The following NTRK2 variants were observed in gnomAD, a reference collection of about 807,000 sequenced individuals.
NTRK2 encodes the protein neurotrophic receptor tyrosine kinase 2.
Under a neutral mutation model 94.5 loss-of-function variants are expected in NTRK2, and 13 were observed. That is an observed-to-expected ratio of 0.14 (90% CI 0.09 to 0.22). NTRK2 has a LOEUF of 0.22. Among genes scored for constraint, NTRK2 ranks in the 10% least tolerant of loss-of-function variants. The probability of loss-of-function intolerance (pLI) is 1.00; values close to 1 mark genes in which losing one functional copy is unlikely to be tolerated. For synonymous variants in NTRK2, 372 were observed against 407.4 expected (o/e 0.91, Z 1.05); for missense variants, 639 against 1,071.2 (o/e 0.60, Z 5.63).
chr9:85,010,070 GC>G (rs1257754518), intron 17 of NTRK2, among the ~76,000 whole-genome samples: 26 of 152,202 alleles, frequency 1.7e-4, no homozygotes, highest in African/African-American at 6.3e-4. Context: ...TGGACAGGAT[GC>G]ACGCAGGACA....
intron 12 of NTRK2, among the ~76,000 whole-genome samples, chr9:84,761,525 A>C (rs1375958434): frequency 2.0e-5 from 3 of 152,214 alleles, no homozygotes; most frequent in Non-Finnish European, 4.4e-5. Context: ...CCTCCCCTCC[A>C]GCTTTAATAT....
intron 15 of NTRK2, among the ~76,000 whole-genome samples, chr9:84,943,224 G>C (rs918030663): frequency 5.3e-5 from 8 of 152,182 alleles, no homozygotes; most frequent in African/African-American, 1.9e-4. Flanking sequence ...TGAAATGGAT[G>C]ATCATTTGTC....
intron 12 of NTRK2, among the ~76,000 whole-genome samples, chr9:84,796,070 A>C (rs2133280871): frequency 6.6e-6 from 1 of 151,966 alleles, no homozygotes; most frequent in Non-Finnish European, 1.5e-5. Flanking sequence ...GTCACATGGG[A>C]TTGCATTAGC....
At chr9:84,765,873 ATAT>A (rs367728777) in intron 12 of NTRK2, among the ~76,000 whole-genome samples, 61 of 152,296 alleles carry the variant, frequency 4.0e-4, no homozygotes, top group African/African-American at 1.2e-3. Flanking sequence ...TGGTTTCATC[ATAT>A]TATTGTTTAG....
rs776677354 is a variant in NTRK2 at position 84,670,832 on chromosome 9, C to G, written c.84C>G (p.Ala28=). Residue 28 remains alanine, a synonymous_variant, in exon 2 of 19, where the codon GCC becomes GCG. Coordinates refer to ENST00000277120, the MANE Select transcript of NTRK2 (RefSeq NM_006180.6). ...FCWLVVGFWR[A]AFACPTSCKC... is the part of the protein sequence containing the mutation. ...GGCTGGTTGTGGGCTTCTGGAGGGC[C>G]GCTTTCGCCTGTCCCACGTCCTGCA... 6.2e-6 allele frequency: 10 copies of G among 1,613,986 alleles called. 1 individual carries two copies. In the South Asian group the frequency reaches 9.9e-5, roughly 16 times the overall value.
intron 17 of NTRK2, among the ~76,000 whole-genome samples, chr9:84,974,781 A>C (rs1334906462): frequency 6.6e-6 from 1 of 152,074 alleles, no homozygotes; most frequent in African/African-American, 2.4e-5. Context: ...GTGGAGGTGC[A>C]TGTCTCCTCC....
At chr9:84,762,873 G>C (rs1233260325) in intron 12 of NTRK2, among the ~76,000 whole-genome samples, 10 of 152,108 alleles carry the variant, frequency 6.6e-5, no homozygotes. Context: ...TGCCTTTCTG[G>C]GAAATAGTGG....
rs371906307 is a variant in NTRK2 at position 84,948,671 on chromosome 9, C to T, written c.1937+37C>T. The T allele has an allele frequency of 1.9e-6, 3 of 1,602,392 alleles. No homozygotes were observed. The East Asian group carries it at 6.7e-5, about 36-fold the overall frequency. On this transcript the variant is annotated intron_variant, in intron 16 of 18. Transcript: ENST00000277120. ...CGGGGAGGTGGGCTCCAGGAGGGAG[C>T]AGGCCTTCAGGGTTCAGGAGTGGAG...
chr9:84,917,519 C>T (rs1028228652), intron 14 of NTRK2, among the ~76,000 whole-genome samples: 2 of 152,120 alleles, frequency 1.3e-5, no homozygotes, highest in Non-Finnish European at 2.9e-5. Context: ...TGACAGTGAT[C>T]GAGTTTGTCC....
chr9:84,856,471 C>G (rs186252388), intron 12 of NTRK2, among the ~76,000 whole-genome samples: 2 of 152,092 alleles, frequency 1.3e-5, no homozygotes, highest in Non-Finnish European at 2.9e-5. Context: ...GTCAACAAGG[C>G]GAACTTTTGC....
At chr9:84,803,492 A>G (rs1333931285) in intron 12 of NTRK2, among the ~76,000 whole-genome samples, 1 of 152,070 alleles carries the variant, frequency 6.6e-6, no homozygotes, top group Non-Finnish European at 1.5e-5. Context: ...TAATGTCCTC[A>G]CTTGTGGGGG....
intron 12 of NTRK2, among the ~76,000 whole-genome samples, chr9:84,770,968 T>C (rs560168121): frequency 6.6e-6 from 1 of 152,338 alleles, no homozygotes; most frequent in East Asian, 1.9e-4. Context: ...CAAGGAGGCA[T>C]TCTGGCATCA....
At chr9:84,838,490 A>AT (rs2131748821) in intron 12 of NTRK2, among the ~76,000 whole-genome samples, 1 of 152,246 alleles carries the variant, frequency 6.6e-6, no homozygotes, top group East Asian at 1.9e-4. Context: ...TCCCAAACTT[A>AT]TTTTTTATGC....
At chr9:84,918,567 C>T (rs989887830) in intron 14 of NTRK2, among the ~76,000 whole-genome samples, 3 of 152,106 alleles carry the variant, frequency 2.0e-5, no homozygotes, top group African/African-American at 7.2e-5. Flanking sequence ...GATAGAAGAC[C>T]AATGGATGAA....
chr9:84,710,191 C>A (rs1350117057), intron 5 of NTRK2, among the ~76,000 whole-genome samples: 2 of 152,136 alleles, frequency 1.3e-5, no homozygotes, highest in Non-Finnish European at 2.9e-5. Context: ...TGTTCTGCCC[C>A]CTGCTGAAGT....
intron 17 of NTRK2, among the ~76,000 whole-genome samples, chr9:84,977,426 G>A (rs1328048852): frequency 5.9e-5 from 9 of 152,196 alleles, no homozygotes; most frequent in Admixed American, 5.9e-4. Context: ...CATAAAGGAT[G>A]CATCCTTGCA....
At chr9:84,685,587 TC>T (rs2059663842) in intron 2 of NTRK2, among the ~76,000 whole-genome samples, 1 of 152,144 alleles carries the variant, frequency 6.6e-6, no homozygotes. Context: ...GTCCTCAAAT[TC>T]AAAGCCATTT....
At position 84,958,300 on chromosome 9, in the gene NTRK2, G is replaced by A. The variant is rs567946658; in HGVS notation, c.2172+2783G>A. Among the ~76,000 whole-genome samples the A allele has an allele frequency of 1.4e-4, 22 of 152,118 alleles. No individual in the cohort carries two copies. In the South Asian group the frequency reaches 4.0e-3, roughly 27 times the overall value. On this transcript the variant is annotated intron_variant, in intron 17 of 18. Transcript: ENST00000277120. ...AAAGAGCATGAAAAGGAAAATAATA[G>A]CAAAACAGTGACCATCATTATGAAC...
chr9:85,021,945 A>G lies in NTRK2; in HGVS notation c.*508A>G. On this transcript the variant is annotated 3_prime_UTR_variant, in exon 19 of 19. Coordinates refer to ENST00000277120, the MANE Select transcript of NTRK2 (RefSeq NM_006180.6). Reference sequence around the variant, plus strand: ...ACTTTGTCACTTCTGCTGTACAGATATCGAGAGTTTCTATGGATTCACTTC... The same window carrying G: ...ACTTTGTCACTTCTGCTGTACAGATGTCGAGAGTTTCTATGGATTCACTTC... 1 of 247,900 alleles carries G rather than the reference A, an allele frequency of 4.0e-6. No homozygotes were observed. The highest frequency in any genetic ancestry group is 5.0e-5 in the Admixed American group (1 of 20,118). 15.4% of individuals were successfully genotyped at this position (247,900 alleles called of 1,614,324 possible).
Sources: allele counts gnomAD v4.1 joint callset (sites outside exome capture counted in the v4.1 genomes callset), GRCh38; gene constraint gnomAD v4.1.1; transcripts MANE v1.5; gene names NCBI Gene and HGNC (gene_info 2026-07-23, HGNC 2026-07-21).